Variants in SUCLG2 observed in about 807,000 individuals in gnomAD.
The protein encoded by SUCLG2 is succinate--CoA ligase [GDP-forming] subunit beta, mitochondrial.
Under a neutral mutation model 47.9 loss-of-function variants are expected in SUCLG2, and 42 were observed. That is an observed-to-expected ratio of 0.88 (90% CI 0.69 to 1.14). The LOEUF is 1.14. Among genes scored for constraint, SUCLG2 ranks in the 50% most tolerant of loss-of-function variants. The pLI is 0.00. For synonymous variants in SUCLG2, 195 were observed against 197.3 expected (o/e 0.99, Z 0.10); for missense variants, 571 against 525.9 (o/e 1.09, Z -0.84).
At chr3:67,402,629 A>G (rs966143566) in intron 9 of SUCLG2, among the ~76,000 whole-genome samples, 2 of 152,208 alleles carry the variant, frequency 1.3e-5, no homozygotes, top group Non-Finnish European at 2.9e-5. Flanking sequence ...TAGAAGAAAA[A>G]CATTCAAGAG....
At chr3:67,501,091 G>T (rs1705485021) in intron 7 of SUCLG2, among the ~76,000 whole-genome samples, 1 of 152,142 alleles carries the variant, frequency 6.6e-6, no homozygotes. Context: ...TAAAAGGGGT[G>T]TATATCTACA....
intron 2 of SUCLG2, among the ~76,000 whole-genome samples, chr3:67,555,683 G>T (rs564258326): frequency 6.6e-6 from 1 of 152,304 alleles, no homozygotes; most frequent in African/African-American, 2.4e-5. Flanking sequence ...ACAAGAATTC[G>T]TAAGTCTTTG....
rs572894426 is a variant in SUCLG2 at position 67,400,994 on chromosome 3, G to A, written c.1063-143C>T. 4.2e-6 allele frequency: 5 copies of A among 1,178,444 alleles called. No individual in the cohort carries two copies. In the South Asian group the frequency reaches 6.3e-5, roughly 15 times the overall value. The allele number at this position is 1,178,444 out of a possible 1,614,324, so 73.0% of individuals were successfully genotyped here. ...TATACAGAGCATAAAATACAAAAAT[G>A]GCCCAGAACATGTTAAGAAAGCTCA... On this transcript the variant is annotated intron_variant, in intron 9 of 10. Coordinates refer to ENST00000307227, the MANE Select transcript of SUCLG2 (RefSeq NM_003848.4).
chr3:67,568,816 G>A (rs1262680320), intron 2 of SUCLG2, among the ~76,000 whole-genome samples: 1 of 152,162 alleles, frequency 6.6e-6, no homozygotes, highest in Non-Finnish European at 1.5e-5. Context: ...GAACCCGGGA[G>A]GCGGAGCTTG....
intron 9 of SUCLG2, among the ~76,000 whole-genome samples, chr3:67,442,072 G>GT (rs1559527844): frequency 6.9e-6 from 1 of 145,250 alleles, no homozygotes; most frequent in Admixed American, 6.9e-5. Flanking sequence ...GTGCAGTGGC[G>GT]GGATCTCAGC....
At chr3:67,368,997 T>G (rs1701915790) in intron 10 of SUCLG2, among the ~76,000 whole-genome samples, 2 of 152,238 alleles carry the variant, frequency 1.3e-5, no homozygotes, top group South Asian at 4.1e-4. Context: ...TTGACACTAT[T>G]GACATTTTGG....
chr3:67,426,367 C>T (rs977185538), intron 9 of SUCLG2, among the ~76,000 whole-genome samples: 1 of 152,086 alleles, frequency 6.6e-6, no homozygotes, highest in African/African-American at 2.4e-5. Flanking sequence ...TCTGATTACC[C>T]AAAATGCTAA....
chr3:67,624,156 G>T (rs1700782514), intron 1 of SUCLG2, among the ~76,000 whole-genome samples: 1 of 152,236 alleles, frequency 6.6e-6, no homozygotes, highest in African/African-American at 2.4e-5. Flanking sequence ...TTACCTGATA[G>T]CAAGAGACTT....
rs200332310 is a variant in SUCLG2 at position 67,375,832 on chromosome 3, A to T, written c.1211T>A (p.Ile404Lys). Residue 404 changes from isoleucine to lysine, a missense_variant, in exon 11 of 11, where the codon ATA becomes AAA. Coordinates refer to ENST00000307227, the MANE Select transcript of SUCLG2 (RefSeq NM_003848.4). ...AATGGGGAGTCCGCTGTTGTTGAGT[A>T]TCTTCTGGGCCTCTTGGACGTTGGT... Reference protein sequence around the residue: ...EGTNVQEAQKILNNSGLPITS... With the variant: ...EGTNVQEAQKKLNNSGLPITS... The T allele has an allele frequency of 2.7e-5, 43 of 1,613,774 alleles. No homozygotes were observed. The highest frequency in any genetic ancestry group is 1.3e-5 in the African/African-American group (1 of 74,910).
chr3:67,602,786 C>A (rs1319962094), intron 2 of SUCLG2, among the ~76,000 whole-genome samples: 1 of 152,128 alleles, frequency 6.6e-6, no homozygotes, highest in East Asian at 1.9e-4. Context: ...GCACCTACTG[C>A]CTCTGAGGAC....
At chr3:67,581,133 G>A (rs1274979518) in intron 2 of SUCLG2, among the ~76,000 whole-genome samples, 1 of 152,160 alleles carries the variant, frequency 6.6e-6, no homozygotes, top group Non-Finnish European at 1.5e-5. Flanking sequence ...TCTCACACAT[G>A]TATCTCTGTG....
intron 10 of SUCLG2, among the ~76,000 whole-genome samples, chr3:67,368,663 T>C (rs1424011537): frequency 6.6e-6 from 1 of 152,186 alleles, no homozygotes; most frequent in Non-Finnish European, 1.5e-5. Flanking sequence ...TGGAGTGCAA[T>C]GGCACAATCT....
At chr3:67,471,581 T>C (rs917674547) in intron 9 of SUCLG2, among the ~76,000 whole-genome samples, 2 of 151,998 alleles carry the variant, frequency 1.3e-5, no homozygotes, top group Admixed American at 1.3e-4. Flanking sequence ...CGGCTAAAAC[T>C]GGTCTGGTCT....
At chr3:67,470,370 G>A (rs1252685302) in intron 9 of SUCLG2, among the ~76,000 whole-genome samples, 3 of 152,258 alleles carry the variant, frequency 2.0e-5, no homozygotes, top group Non-Finnish European at 4.4e-5. Flanking sequence ...TGCTGAGTCT[G>A]TAACTGCATT....
chr3:67,409,872 C>T (rs1702896569), intron 9 of SUCLG2, among the ~76,000 whole-genome samples: 4 of 152,146 alleles, frequency 2.6e-5, no homozygotes, highest in Admixed American at 2.6e-4. Context: ...AATGTGAATA[C>T]TGCACCATAT....
intron 2 of SUCLG2, among the ~76,000 whole-genome samples, chr3:67,549,981 C>T (rs555035062): frequency 6.6e-6 from 1 of 152,298 alleles, no homozygotes; most frequent in East Asian, 1.9e-4. Flanking sequence ...GATGTGTACA[C>T]AGACACCATT....
rs138328304 is a variant in SUCLG2, at chr3:67,561,555, A to G, written c.227-32369T>C. ...GTTCCAACAAAAAATGAGCTGGAAG[A>G]TTAAGTGTATCTTCATATTCCAGCA... On this transcript the variant is annotated intron_variant, in intron 2 of 10. Transcript: ENST00000307227. Among the ~76,000 whole-genome samples, 617 of 152,350 alleles carry G rather than the reference A, an allele frequency of 4.0e-3. 10 individuals carry two copies. The East Asian group carries it at 0.051, about 13-fold the overall frequency.
At chr3:67,518,575 A>G (rs1164224270) in intron 5 of SUCLG2, among the ~76,000 whole-genome samples, 1 of 152,230 alleles carries the variant, frequency 6.6e-6, no homozygotes, top group Non-Finnish European at 1.5e-5. Context: ...TGACAAGAAA[A>G]TCTGATGCCA....
chr3:67,506,946 C>T (rs76813918), intron 7 of SUCLG2, among the ~76,000 whole-genome samples: 3,165 of 152,192 alleles, frequency 0.021, 98 homozygotes, highest in African/African-American at 0.072. Context: ...TCAATATGCA[C>T]GCTGGACTCA....
Sources: allele counts gnomAD v4.1 joint callset (sites outside exome capture counted in the v4.1 genomes callset), GRCh38; gene constraint gnomAD v4.1.1; transcripts MANE v1.5; gene names NCBI Gene and HGNC (gene_info 2026-07-23, HGNC 2026-07-21).